PPP4R1: variants seen among roughly 807,000 people sequenced by gnomAD.
The protein encoded by PPP4R1 is serine/threonine-protein phosphatase 4 regulatory subunit 1.
In PPP4R1, 42 loss-of-function variants were observed where a neutral mutation model predicts 111.2. That is an observed-to-expected ratio of 0.38 (90% confidence interval 0.29 to 0.49). The LOEUF is 0.49. Ranked by LOEUF, PPP4R1 falls within the 20% of genes least tolerant of loss-of-function variation. The pLI is 0.97. For missense variants in PPP4R1, 1,012 were observed against 1,161.6 expected (o/e 0.87, Z 1.87); for synonymous variants, 409 against 405.5 (o/e 1.01, Z -0.10).
chr18:9,584,850 A>G, intron 6 of PPP4R1, 22 bp from the exon 7 acceptor site: 2 of 1,533,546 alleles, frequency 1.3e-6, no homozygotes, highest in Non-Finnish European at 1.8e-6. Flanking sequence ...AAGAACAAAC[A>G]CACACTGAAA....
intron 6 of PPP4R1, among the ~76,000 whole-genome samples, chr18:9,585,381 A>C (rs1356262061): frequency 6.6e-6 from 1 of 152,218 alleles, no homozygotes; most frequent in East Asian, 1.9e-4. Flanking sequence ...GCATGAACAC[A>C]GTTCTGATAT....
At chr18:9,560,730 C>T (rs185072413) in intron 13 of PPP4R1, among the ~76,000 whole-genome samples, 4 of 152,152 alleles carry the variant, frequency 2.6e-5, no homozygotes, top group Non-Finnish European at 5.9e-5. Flanking sequence ...TGGCGGTGCA[C>T]ATCTGTAGTC....
chr18:9,549,635 G>A (rs1237392200), intron 18 of PPP4R1, among the ~76,000 whole-genome samples: 1 of 152,186 alleles, frequency 6.6e-6, no homozygotes, highest in Non-Finnish European at 1.5e-5. Flanking sequence ...CCGTGGTATG[G>A]TATATGTGTG....
Position 9,550,078 on chromosome 18 carries a change from G to T in PPP4R1, c.2521C>A (p.Arg841=). 6.2e-7 allele frequency: 1 copy of T among 1,614,156 alleles called. No individual in the cohort carries two copies. The highest frequency in any genetic ancestry group is 8.5e-7 in the Non-Finnish European group (1 of 1,180,034). The change falls in exon 18 of 20, where the codon CGG becomes AGG. Residue 841 remains arginine, a synonymous_variant. Coordinates refer to ENST00000400556, the MANE Select transcript of PPP4R1 (RefSeq NM_001042388.3). ...NFGRCPKWSG[R]QAFVFVCQTV... ...TGGCAGACAAAGACAAAGGCTTGCC[G>T]ACCAGACCACTTGGGACATCTGCCA...
At chr18:9,562,217 T>C (rs2066690438) in intron 12 of PPP4R1, 142 bp from the exon 13 acceptor site, 3 of 619,692 alleles carry the variant, frequency 4.8e-6, no homozygotes, top group Admixed American at 3.0e-5. Context: ...CTTATAAACA[T>C]ACCTAAGAAC....
At chr18:9,605,072 C>T (rs560301019) in intron 2 of PPP4R1, among the ~76,000 whole-genome samples, 1 of 152,200 alleles carries the variant, frequency 6.6e-6, no homozygotes, top group East Asian at 1.9e-4. Flanking sequence ...TAACGTAAAA[C>T]ATAAAAAAGC....
chr18:9,549,905 G>T lies in PPP4R1; in HGVS notation c.2547+147C>A, dbSNP rs539850855. 5.5e-5 allele frequency: 66 copies of T among 1,203,870 alleles called. 2 individuals are homozygous for T. The South Asian group carries it at 9.9e-4, about 18-fold the overall frequency. The allele number at this position is 1,203,870 out of a possible 1,614,324, so 74.6% of individuals were successfully genotyped here. A position where few individuals can be genotyped will look rare whatever the true frequency, so the allele number is the denominator to read the frequency against. ...AGGGGCCACCAGATGCCCAACAATG[G>T]GGGCAGATGATCCTATAAACAGCCA... On this transcript the variant is annotated intron_variant, in intron 18 of 19. Coordinates refer to ENST00000400556, the MANE Select transcript of PPP4R1 (RefSeq NM_001042388.3).
intron 4 of PPP4R1, among the ~76,000 whole-genome samples, chr18:9,592,674 CA>C (rs59949280): frequency 0.21 from 24,048 of 113,286 alleles, 2,635 homozygotes; most frequent in African/African-American, 0.38. Context: ...CACACACTTA[CA>C]AAAAAAAAAA....
chr18:9,584,690 A>C (rs1173540024), intron 7 of PPP4R1, 31 bp downstream of exon 7: 1 of 1,608,670 alleles, frequency 6.2e-7, no homozygotes, highest in African/African-American at 1.3e-5. Context: ...CTATGTTCTT[A>C]AACAGCAGAA....
chr18:9,592,430 A>C (rs1255019144), intron 4 of PPP4R1, among the ~76,000 whole-genome samples: 1 of 152,178 alleles, frequency 6.6e-6, no homozygotes, highest in East Asian at 1.9e-4. Flanking sequence ...TAACTTTCTG[A>C]AGCCTGCCCC....
chr18:9,566,958 T>C (rs1246833410), intron 11 of PPP4R1, among the ~76,000 whole-genome samples: 1 of 152,230 alleles, frequency 6.6e-6, no homozygotes, highest in Non-Finnish European at 1.5e-5. Context: ...GTTGTTTTCA[T>C]ACCTGCTAAC....
intron 13 of PPP4R1, among the ~76,000 whole-genome samples, chr18:9,561,469 T>C (rs892955643): frequency 9.2e-5 from 14 of 152,084 alleles, no homozygotes; most frequent in Middle Eastern, 3.4e-3. Flanking sequence ...GTCAGATTGT[T>C]AGAAGAGAAA....
Position 9,559,267 on chromosome 18 carries a change from GCT to G in PPP4R1, c.2028+150_2028+151del, listed in dbSNP as rs2066636010. On this transcript the variant is annotated intron_variant, in intron 14 of 19. Transcript: ENST00000400556. Reference sequence around the variant, plus strand: ...GACTCTGACACTGCAAAAAGAACATGCTCTGTTATTACTCTTAAGCTCTTCCA... The same window carrying G: ...GACTCTGACACTGCAAAAAGAACATGCTGTTATTACTCTTAAGCTCTTCCA... 3 of 735,276 alleles carry G rather than the reference GCT, an allele frequency of 4.1e-6. No homozygotes were observed. The South Asian group carries it at 1.3e-4, about 32-fold the overall frequency. 45.5% of individuals were successfully genotyped at this position (735,276 alleles called of 1,614,324 possible).
chr18:9,555,582 C>T (rs573901179), intron 15 of PPP4R1, among the ~76,000 whole-genome samples: 5 of 152,120 alleles, frequency 3.3e-5, no homozygotes, highest in Admixed American at 6.5e-5. Context: ...CACATTAGCC[C>T]TGATGTGGCA....
intron 2 of PPP4R1, among the ~76,000 whole-genome samples, chr18:9,602,911 G>A (rs1179034015): frequency 6.6e-6 from 1 of 152,024 alleles, no homozygotes; most frequent in Non-Finnish European, 1.5e-5. Flanking sequence ...AGAGAGATCT[G>A]GATTCAAATC....
At chr18:9,569,659 T>C (rs1048614156) in intron 11 of PPP4R1, among the ~76,000 whole-genome samples, 9 of 152,212 alleles carry the variant, frequency 5.9e-5, no homozygotes, top group Non-Finnish European at 1.3e-4. Flanking sequence ...ATCAGATTAA[T>C]TGTATTTATC....
Position 9,561,980 on chromosome 18 carries a change from T to C in PPP4R1, c.1842A>G (p.Gln614=). The part of the protein sequence containing the change: ...SPDEERRTKV[Q]DVVPQALLDQ... ...AAGAACACATTTTTTGGTCACTTAC[T>C]TGTACTTTAGTTCTCCTTTCCTCAT... The change falls in exon 13 of 20, where the codon CAA becomes CAG. Residue 614 remains glutamine (Q), a splice_region_variant and synonymous_variant. Transcript: ENST00000400556. The C allele has an allele frequency of 6.2e-7, 1 of 1,605,356 alleles. No individual in the cohort carries two copies. Among genetic ancestry groups the C allele is most frequent in the Non-Finnish European group, 8.5e-7 (1 of 1,172,260 alleles).
chr18:9,552,742 C>A (rs1163874076), intron 16 of PPP4R1, among the ~76,000 whole-genome samples: 1 of 152,080 alleles, frequency 6.6e-6, no homozygotes, highest in Non-Finnish European at 1.5e-5. Context: ...AAGACCACAC[C>A]CCCAACCCAA....
intron 8 of PPP4R1, 75 bp downstream of exon 8, chr18:9,584,435 GGAGTA>G: frequency 8.1e-7 from 1 of 1,227,172 alleles, no homozygotes; most frequent in Non-Finnish European, 1.1e-6. Flanking sequence ...ATAAAACTTT[GGAGTA>G]AATGTGTGCA....
Sources: allele counts gnomAD v4.1 joint callset (sites outside exome capture counted in the v4.1 genomes callset), GRCh38; gene constraint gnomAD v4.1.1; transcripts MANE v1.5; gene names NCBI Gene and HGNC (gene_info 2026-07-23, HGNC 2026-07-21).